The following TNS3 variants were observed in gnomAD, a reference collection of about 807,000 sequenced individuals.
TNS3 encodes the protein tensin-3.
TNS3 carries 45 observed loss-of-function variants against 140.9 expected under a neutral mutation model. The observed-to-expected ratio is 0.32, with a 90% confidence interval of 0.25 to 0.41. TNS3 has a LOEUF of 0.41. Ranked by LOEUF, TNS3 falls within the 10% of genes least tolerant of loss-of-function variation. The pLI is 1.00. For missense variants in TNS3, 1,716 were observed against 1,906.7 expected, an observed-to-expected ratio of 0.90 and a Z score of 1.86; for synonymous variants, 815 against 788.4, an observed-to-expected ratio of 1.03 and a Z score of -0.56.
chr7:47,360,384 T>G (rs527908499), intron 17 of TNS3, among the ~76,000 whole-genome samples: 35 of 152,184 alleles, frequency 2.3e-4, no homozygotes, highest in Non-Finnish European at 3.8e-4. Context: ...CTCCAGAGAC[T>G]GAAGCTCACA....
Position 47,278,090 on chromosome 7 carries a change from G to C in TNS3, c.4324C>G (p.Pro1442Ala), listed in dbSNP as rs1027959584. The C allele has an allele frequency of 6.2e-6, 10 of 1,613,966 alleles. No homozygotes were observed. Among genetic ancestry groups the C allele is most frequent in the Admixed American group, 3.3e-5 (2 of 60,002 alleles). ...GAGGGGAGTTCTCAGACCTTCTTTG[G>C]GGAACCAATCATGACCTTTGATACG... ...NFVSKVMIGSPKKV is the reference protein window; with the variant it reads ...NFVSKVMIGSAKKV The change falls in exon 31 of 31, where the codon CCA becomes GCA. Residue 1442 changes from proline (P) to alanine (A), a missense_variant. Transcript: ENST00000311160.
intron 13 of TNS3, among the ~76,000 whole-genome samples, chr7:47,405,784 C>T (rs556948213): frequency 9.2e-5 from 14 of 152,194 alleles, no homozygotes; most frequent in African/African-American, 2.9e-4. Flanking sequence ...TATGTAAGTG[C>T]CCTCGGTAAG....
At chr7:47,426,370 C>T (rs1794650841) in intron 9 of TNS3, among the ~76,000 whole-genome samples, 1 of 152,122 alleles carries the variant, frequency 6.6e-6, no homozygotes, top group African/African-American at 2.4e-5. Flanking sequence ...GAATAAAGTG[C>T]TATGCTGCCA....
chr7:47,484,850 C>T (rs1797552072), intron 3 of TNS3, among the ~76,000 whole-genome samples: 1 of 152,232 alleles, frequency 6.6e-6, no homozygotes, highest in Non-Finnish European at 1.5e-5. Flanking sequence ...TTTCACTGGA[C>T]AGAGGGAAGC....
At chr7:47,390,012 G>T (rs1031008052) in intron 16 of TNS3, among the ~76,000 whole-genome samples, 1 of 152,200 alleles carries the variant, frequency 6.6e-6, no homozygotes, top group African/African-American at 2.4e-5. Flanking sequence ...ATATTCTTCT[G>T]CCTGGTGCAG....
chr7:47,283,736 A>G lies in TNS3; in HGVS notation c.4058T>C (p.Val1353Ala). The change falls in exon 28 of 31, where the codon GTG (valine) becomes GCG (alanine). Residue 1353 changes from valine to alanine, a missense_variant. Physicochemically the swap from Val to Ala is moderately conservative, Grantham distance 64 (BLOSUM62 0). Coordinates refer to ENST00000311160, the MANE Select transcript of TNS3 (RefSeq NM_022748.12). Reference sequence around the variant, plus strand: ...TGTCAGGGTGATGCCCTGGGCTGACACCTTGAAGTGCACAACTGTGGACAC... The same window carrying G: ...TGTCAGGGTGATGCCCTGGGCTGACGCCTTGAAGTGCACAACTGTGGACAC... ...PPVSTVVHFKVSAQGITLTDN... is the reference protein window; with the variant it reads ...PPVSTVVHFKASAQGITLTDN... 6.2e-7 allele frequency: 1 copy of G among 1,603,470 alleles called. No individual in the cohort carries two copies. Among genetic ancestry groups the G allele is most frequent in the African/African-American group, 1.3e-5 (1 of 74,456 alleles).
At chr7:47,372,925 A>G (rs1038250196) in intron 16 of TNS3, among the ~76,000 whole-genome samples, 1 of 152,234 alleles carries the variant, frequency 6.6e-6, no homozygotes, top group African/African-American at 2.4e-5. Flanking sequence ...ATTCCAAGAT[A>G]GGACTGGTCA....
chr7:47,378,275 T>A (rs1383238385), intron 16 of TNS3, among the ~76,000 whole-genome samples: 1 of 152,124 alleles, frequency 6.6e-6, no homozygotes, highest in Non-Finnish European at 1.5e-5. Flanking sequence ...AGAGGAGTGC[T>A]CCATGAACAT....
intron 17 of TNS3, among the ~76,000 whole-genome samples, chr7:47,361,917 G>GA (rs1304523278): frequency 1.3e-5 from 2 of 152,038 alleles, no homozygotes; most frequent in South Asian, 2.1e-4. Context: ...CTCAAGGTAT[G>GA]AAAAAAAACC....
Position 47,398,354 on chromosome 7 carries a change from TAACA to T in TNS3, c.920-1454_920-1451del, listed in dbSNP as rs199604162. Among the ~76,000 whole-genome samples the T allele has an allele frequency of 6.6e-3, 974 of 147,138 alleles. 6 individuals are homozygous for T. The highest frequency in any genetic ancestry group is 0.022 in the African/African-American group (902 of 40,130). ...CTGATACCAAAACTAGGAAAGAATATAACAAACAAACAAACAAAAAAGAAAATCA... is the reference window on the plus strand; with the variant it reads ...CTGATACCAAAACTAGGAAAGAATATAACAAACAAACAAAAAAGAAAATCA... On this transcript the variant is annotated intron_variant, in intron 15 of 30. Coordinates refer to ENST00000311160, the MANE Select transcript of TNS3 (RefSeq NM_022748.12).
chr7:47,363,354 C>T (rs975983156), intron 17 of TNS3, among the ~76,000 whole-genome samples: 1 of 151,490 alleles, frequency 6.6e-6, no homozygotes, highest in African/African-American at 2.4e-5. Context: ...GCAGCAGCAC[C>T]ACTATTATTA....
At chr7:47,481,789 G>T (rs1322033150) in intron 3 of TNS3, 3 of 793,430 alleles carry the variant, frequency 3.8e-6, no homozygotes, top group Non-Finnish European at 4.6e-6. Context: ...AGGAGAGGCA[G>T]TTAGTAACAG....
chr7:47,504,435 T>C (rs1345311784), intron 3 of TNS3, among the ~76,000 whole-genome samples: 3 of 152,162 alleles, frequency 2.0e-5, no homozygotes, highest in Non-Finnish European at 4.4e-5. Context: ...GTGGAGCCTG[T>C]AGACACAGGC....
chr7:47,400,372 G>C, intron 15 of TNS3, 21 bp downstream of exon 15: 1 of 1,612,016 alleles, frequency 6.2e-7, no homozygotes, highest in Non-Finnish European at 8.5e-7. Context: ...GGACCACCCA[G>C]TATTCCACCA....
chr7:47,567,425 C>G (rs533766318), intron 1 of TNS3, among the ~76,000 whole-genome samples: 3 of 152,272 alleles, frequency 2.0e-5, no homozygotes, highest in African/African-American at 7.2e-5. Context: ...TGGCTCACAC[C>G]TGTAATCCCA....
chr7:47,396,957 T>A lies in TNS3; in HGVS notation c.920-53A>T, dbSNP rs1792871993. ...GTCCCAGTGAAACCCATCACCTCCATCCAACCGACTCCACCATAAGGACAG... is the reference window on the plus strand; with the variant it reads ...GTCCCAGTGAAACCCATCACCTCCAACCAACCGACTCCACCATAAGGACAG... On this transcript the variant is annotated intron_variant, in intron 15 of 30. Transcript: ENST00000311160. 16 of 1,330,344 alleles carry A rather than the reference T, an allele frequency of 1.2e-5. No homozygotes were observed. In the South Asian group the frequency reaches 1.5e-4, roughly 13 times the overall value. 82.4% of individuals were successfully genotyped at this position (1,330,344 alleles called of 1,614,324 possible).
In TNS3 at chr7:47,389,069, GAA is replaced by G. The variant is rs1792300183; in HGVS notation, c.1024+7729_1024+7730del. 5.8e-5 allele frequency among the ~76,000 whole-genome samples: 4 copies of G among 68,656 alleles called. 1 individual carries two copies. The highest frequency in any genetic ancestry group is 2.7e-4 in the African/African-American group (4 of 14,874). 45.0% of individuals were successfully genotyped at this position (68,656 alleles called of 152,430 possible). A position where few individuals can be genotyped will look rare whatever the true frequency, so the allele number is the denominator to read the frequency against. ...AGAAGAAGAAGAAGAAGAAGAAGAA[GAA>G]GAAGAAGAAGAAGAGGAAGAGGAAG... On this transcript the variant is annotated intron_variant, in intron 16 of 30. Coordinates refer to ENST00000311160, the MANE Select transcript of TNS3 (RefSeq NM_022748.12).
At position 47,567,874 on chromosome 7, in the gene TNS3, T is replaced by G. The variant is rs2152010160; in HGVS notation, c.-265+14177A>C. ...GAGTGGTTGAGTAAACTGTGGTACA[T>G]CCCTCGTAGGTAACATCGATCAGTA... On this transcript the variant is annotated intron_variant, in intron 1 of 30. Transcript: ENST00000311160. Among the ~76,000 whole-genome samples, 2 of 152,262 alleles carry G rather than the reference T, an allele frequency of 1.3e-5. 1 individual carries two copies. Among genetic ancestry groups the G allele is most frequent in the South Asian group, 4.2e-4 (2 of 4,814 alleles).
chr7:47,411,415 G>C (rs1793758815), intron 13 of TNS3, among the ~76,000 whole-genome samples: 1 of 152,078 alleles, frequency 6.6e-6, no homozygotes, highest in Non-Finnish European at 1.5e-5. Flanking sequence ...GTGCAACCTA[G>C]ATCGCTCGCA....
Sources: gnomAD v4.1 joint callset for allele counts (sites outside exome capture counted in the v4.1 genomes callset) on GRCh38, gnomAD v4.1.1 for gene constraint, MANE v1.5 for transcripts, NCBI Gene and HGNC (gene_info 2026-07-23, HGNC 2026-07-21) for gene names.